CDC45: variants seen among roughly 807,000 people sequenced by gnomAD.
CDC45 encodes the protein cell division control protein 45 homolog.
In CDC45, 54 loss-of-function variants were observed where a neutral mutation model predicts 77.8. The observed-to-expected ratio is 0.69, with a 90% confidence interval of 0.56 to 0.87. The LOEUF (loss-of-function observed/expected upper bound fraction) is 0.87. Among genes scored for constraint, CDC45 ranks in the 40% least tolerant of loss-of-function variants. CDC45 has a pLI of 0.00. For missense variants in CDC45, 649 were observed against 721.6 expected (o/e 0.90, Z 1.15); for synonymous variants, 260 against 272.1 (o/e 0.96, Z 0.44).
At chr22:19,500,325 T>G (rs140551147) in intron 9 of CDC45, among the ~76,000 whole-genome samples, 72 of 152,096 alleles carry the variant, frequency 4.7e-4, no homozygotes, top group African/African-American at 1.6e-3. Context: ...CCCTATAAAC[T>G]TTACAAAATT....
At chr22:19,515,994 T>C (rs1317583131) in intron 15 of CDC45, among the ~76,000 whole-genome samples, 2 of 151,912 alleles carry the variant, frequency 1.3e-5, no homozygotes, top group Non-Finnish European at 2.9e-5. Flanking sequence ...GGCTGTAGGG[T>C]GTGGGTGCAG....
chr22:19,484,139 C>CTGGGCTGGGCTCTGCAGG (rs1318570025), intron 5 of CDC45, 134 bp downstream of exon 5: 21 of 794,614 alleles, frequency 2.6e-5, no homozygotes, highest in Non-Finnish European at 3.7e-5. Flanking sequence ...TGGATGCTGA[C>CTGGGCTGGGCTCTGCAGG]CCTGGGCTCT....
intron 9 of CDC45, among the ~76,000 whole-genome samples, chr22:19,503,728 C>T (rs1003677326): frequency 3.3e-5 from 5 of 152,188 alleles, no homozygotes; most frequent in Admixed American, 6.5e-5. Context: ...TCCCCTCAAA[C>T]GAGGCCCTTC....
Position 19,480,033 on chromosome 22 carries a change from CG to C in CDC45, c.51+17del, listed in dbSNP as rs759247064. Reference sequence around the variant, plus strand: ...GTCCAGAGCCAGGTGACGCCCAGTCCGGGACCCCCGCCGAGGCCTTGCCGGT... The same window carrying C: ...GTCCAGAGCCAGGTGACGCCCAGTCCGGACCCCCGCCGAGGCCTTGCCGGT... On this transcript the variant is annotated intron_variant, in intron 1 of 18. Coordinates refer to ENST00000263201, the MANE Select transcript of CDC45 (RefSeq NM_003504.5). The C allele has an allele frequency of 1.2e-6, 2 of 1,613,910 alleles. No individual in the cohort carries two copies. Among genetic ancestry groups the C allele is most frequent in the Non-Finnish European group, 1.7e-6 (2 of 1,179,942 alleles).
At chr22:19,510,005 A>T (rs1395235465) in intron 13 of CDC45, among the ~76,000 whole-genome samples, 1 of 152,206 alleles carries the variant, frequency 6.6e-6, no homozygotes, top group East Asian at 1.9e-4. Flanking sequence ...TCTGTTGCCC[A>T]GGGTGGAATG....
In CDC45 at chr22:19,516,847, G is replaced by A. The variant is rs773597872; in HGVS notation, c.1590G>A (p.Ala530=). Residue 530 remains alanine (A), a synonymous_variant, in exon 17 of 19, where the codon GCG becomes GCA. Coordinates refer to ENST00000263201, the MANE Select transcript of CDC45 (RefSeq NM_003504.5). ...TTGGGAGGGCGTTTGAGAAGGCAGC[G>A]GAAAGCACCAGCTCCCGGATGCTGC... ...NFFGRAFEKA[A]ESTSSRMLHN... is the part of the protein sequence containing the mutation. The A allele has an allele frequency of 4.0e-5, 64 of 1,614,010 alleles. No individual in the cohort carries two copies. The highest frequency in any genetic ancestry group is 5.1e-5 in the Non-Finnish European group (60 of 1,180,000).
At chr22:19,507,613 A>G (rs1933270854) in intron 11 of CDC45, 96 bp downstream of exon 11, 2 of 1,515,348 alleles carry the variant, frequency 1.3e-6, no homozygotes, top group South Asian at 2.3e-5. Flanking sequence ...TATAAAATGC[A>G]GCCTGTTCTG....
Position 19,520,148 on chromosome 22 carries a change from G to A in CDC45, c.*2-333G>A, listed in dbSNP as rs1420708972. ...TTCCACTGAGGCAGGGGCACAGGTG[G>A]CCTGGGCTAGGAGGGCTGAGCAGCA... is the stretch of plus-strand genomic sequence containing the variant. On this transcript the variant is annotated intron_variant, in intron 18 of 18. Coordinates refer to ENST00000263201, the MANE Select transcript of CDC45 (RefSeq NM_003504.5). This position sits in a 1 kb window ranked among gnomAD's most constrained non-coding sequence, Gnocchi z 4.5. Among the ~76,000 whole-genome samples the A allele has an allele frequency of 2.6e-5, 4 of 152,308 alleles. No individual in the cohort carries two copies. In the East Asian group the frequency reaches 7.7e-4, roughly 29 times the overall value.
chr22:19,516,614 C>T lies in CDC45; in HGVS notation c.1528C>T (p.Pro510Ser), dbSNP rs763765990. The change falls in exon 16 of 19, where the codon CCC becomes TCC. Residue 510 changes from proline to serine, a missense_variant. Coordinates refer to ENST00000263201, the MANE Select transcript of CDC45 (RefSeq NM_003504.5). Reference protein sequence around the residue: ...EHGTVTVVGIPPETDSSDRKN... With the variant: ...EHGTVTVVGISPETDSSDRKN... The stretch of plus-strand genomic sequence containing the variant: ...TGGCACAGTGACCGTGGTGGGCATC[C>T]CCCCAGAGACCGACAGCTCGGACAG... The T allele has an allele frequency of 6.2e-7, 1 of 1,613,940 alleles. No homozygotes were observed. Among genetic ancestry groups the T allele is most frequent in the Non-Finnish European group, 8.5e-7 (1 of 1,179,880 alleles).
rs758943929 is a variant in CDC45 at position 19,513,680 on chromosome 22, C to T, written c.1218-1069C>T. Reference sequence around the variant, plus strand: ...TTCATCTTTGTTTCATTTACTCCCTCATTAAATTAGAGCACAGTTCTTAAG... The same window carrying T: ...TTCATCTTTGTTTCATTTACTCCCTTATTAAATTAGAGCACAGTTCTTAAG... On this transcript the variant is annotated intron_variant, in intron 13 of 18. Coordinates refer to ENST00000263201, the MANE Select transcript of CDC45 (RefSeq NM_003504.5). Among the ~76,000 whole-genome samples the T allele has an allele frequency of 1.2e-3, 177 of 152,182 alleles. 1 individual carries two copies. The highest frequency in any genetic ancestry group is 2.2e-3 in the Non-Finnish European group (151 of 68,030).
intron 9 of CDC45, 157 bp from the exon 10 acceptor site, chr22:19,505,205 T>C: frequency 1.3e-6 from 1 of 774,732 alleles, no homozygotes; most frequent in East Asian, 2.7e-5. Flanking sequence ...GTGCTTGGTT[T>C]CTATGCAGGC....
Position 19,481,044 on chromosome 22 carries a change from A to G in CDC45, c.203A>G (p.Gln68Arg), listed in dbSNP as rs879255633. 1 of 1,600,828 alleles carries G rather than the reference A, an allele frequency of 6.2e-7. No homozygotes were observed. Among genetic ancestry groups the G allele is most frequent in the Non-Finnish European group, 8.6e-7 (1 of 1,169,482 alleles). Residue 68 changes from glutamine (Q) to arginine (R), a missense_variant and splice_region_variant, in exon 3 of 19, where the codon CAG (glutamine) becomes CGG (arginine). Transcript: ENST00000263201. ...ACTGCATTTCTTGAGCATAAAGAAC[A>G]GGTATTGAAGATGCGTTTTAGAATA... ...LETAFLEHKE[Q>R]FHYFILINCG...
chr22:19,489,618 A>G (rs2090124739), intron 5 of CDC45, among the ~76,000 whole-genome samples: 1 of 152,122 alleles, frequency 6.6e-6, no homozygotes, highest in African/African-American at 2.4e-5. Context: ...CAGTGTATAA[A>G]TTTTCTGTTT....
chr22:19,492,414 A>T (rs183689502), intron 5 of CDC45, among the ~76,000 whole-genome samples: 10 of 151,346 alleles, frequency 6.6e-5, no homozygotes, highest in South Asian at 4.2e-4. Context: ...ATATATATAT[A>T]TTTTCTTTCT....
chr22:19,520,276 G>A lies in CDC45; in HGVS notation c.*2-205G>A, dbSNP rs1319131695. 6.6e-6 allele frequency among the ~76,000 whole-genome samples: 1 copy of A among 152,086 alleles called. No homozygotes were observed. The highest frequency in any genetic ancestry group is 2.4e-5 in the African/African-American group (1 of 41,410). Reference sequence around the variant, plus strand: ...GGTAAGAAGGTGCCCGGGCCAGGGGGCAGGAGCTCTGATGTAGGACAGCTC... The same window carrying A: ...GGTAAGAAGGTGCCCGGGCCAGGGGACAGGAGCTCTGATGTAGGACAGCTC... On this transcript the variant is annotated intron_variant, in intron 18 of 18. Coordinates refer to ENST00000263201, the MANE Select transcript of CDC45 (RefSeq NM_003504.5). The surrounding 1 kb of genome is among the most constrained non-coding windows in gnomAD (Gnocchi z 4.5).
chr22:19,492,699 T>C lies in CDC45; in HGVS notation c.487-1628T>C, dbSNP rs563756016. Among the ~76,000 whole-genome samples, 54 of 152,316 alleles carry C rather than the reference T, an allele frequency of 3.5e-4. 1 individual carries two copies. In the South Asian group the frequency reaches 0.011, roughly 31 times the overall value. ...ATGAAACCAGGAGATTTTTGTATTA[T>C]GTGATGAGATTTCGTGTCTTCTTTA... On this transcript the variant is annotated intron_variant, in intron 5 of 18. Transcript: ENST00000263201.
chr22:19,511,042 A>G (rs1933484770), intron 13 of CDC45, among the ~76,000 whole-genome samples: 1 of 152,192 alleles, frequency 6.6e-6, no homozygotes, highest in Admixed American at 6.5e-5. Flanking sequence ...TGGTAACACT[A>G]GGTTTCAAGG....
At position 19,490,860 on chromosome 22, in the gene CDC45, C is replaced by T. The variant is rs1437414520; in HGVS notation, c.487-3467C>T. 4.7e-5 allele frequency among the ~76,000 whole-genome samples: 7 copies of T among 149,176 alleles called. No homozygotes were observed. The East Asian group carries it at 1.2e-3, about 25-fold the overall frequency. On this transcript the variant is annotated intron_variant, in intron 5 of 18. Coordinates refer to ENST00000263201, the MANE Select transcript of CDC45 (RefSeq NM_003504.5). Reference sequence around the variant, plus strand: ...TTTTTTTTTTTGAGGTGGAGTCTCACTCTGTCACCTAGGCTGGTGTGCAGT... The same window carrying T: ...TTTTTTTTTTTGAGGTGGAGTCTCATTCTGTCACCTAGGCTGGTGTGCAGT...
chr22:19,486,229 A>G (rs2146341787), intron 5 of CDC45, among the ~76,000 whole-genome samples: 1 of 152,326 alleles, frequency 6.6e-6, no homozygotes, highest in South Asian at 2.1e-4. Flanking sequence ...AGCAGCTCCT[A>G]AGAATAAGGA....
Sources: allele counts gnomAD v4.1 joint callset (sites outside exome capture counted in the v4.1 genomes callset), GRCh38; gene constraint gnomAD v4.1.1; non-coding constraint Gnocchi (gnomAD v3.1); transcripts MANE v1.5; gene names NCBI Gene and HGNC (gene_info 2026-07-23, HGNC 2026-07-21).